Variants in SEMA5B observed in about 807,000 individuals in gnomAD.
SEMA5B encodes semaphorin 5B, also known as semaphorin-5B.
A neutral mutation model predicts 135.0 loss-of-function variants in SEMA5B; 66 were observed. That is an observed-to-expected ratio of 0.49 (90% CI 0.40 to 0.60). The LOEUF is 0.60. SEMA5B is among the 20% of genes least tolerant of loss of function. The pLI, the probability that SEMA5B is intolerant of heterozygous loss-of-function variation, is 0.00. For synonymous variants in SEMA5B, 690 were observed against 639.5 expected, an observed-to-expected ratio of 1.08 and a Z score of -1.19; for missense variants, 1,501 against 1,566.3, an observed-to-expected ratio of 0.96 and a Z score of 0.70.
At chr3:123,005,164 C>G (rs1168158308) in intron 1 of SEMA5B, among the ~76,000 whole-genome samples, 6 of 152,130 alleles carry the variant, frequency 3.9e-5, no homozygotes, top group Non-Finnish European at 8.8e-5. Flanking sequence ...CACTGCTCCC[C>G]TACACACCCT....
chr3:122,920,117 G>A (rs1036662693), intron 12 of SEMA5B, among the ~76,000 whole-genome samples: 5 of 152,194 alleles, frequency 3.3e-5, no homozygotes, highest in African/African-American at 1.2e-4. Context: ...TTTTCACACA[G>A]CCCGTGACTG....
chr3:123,010,231 A>T (rs1942407193), intron 1 of SEMA5B, among the ~76,000 whole-genome samples: 1 of 152,200 alleles, frequency 6.6e-6, no homozygotes, highest in Non-Finnish European at 1.5e-5. Flanking sequence ...GCCATGTGGT[A>T]GGATGGGACA....
chr3:123,014,819 C>T (rs777563436), intron 1 of SEMA5B, among the ~76,000 whole-genome samples: 2 of 152,134 alleles, frequency 1.3e-5, no homozygotes, highest in Non-Finnish European at 2.9e-5. Context: ...TAGGATGAAC[C>T]GTGTCCCCCC....
intron 1 of SEMA5B, among the ~76,000 whole-genome samples, chr3:122,982,836 C>G (rs1431731033): frequency 1.3e-5 from 2 of 152,224 alleles, no homozygotes; most frequent in Non-Finnish European, 2.9e-5. Flanking sequence ...TGATGTCCCT[C>G]GGGCCTAGGG....
intron 1 of SEMA5B, among the ~76,000 whole-genome samples, chr3:123,019,834 G>A (rs1164623185): frequency 6.6e-6 from 1 of 152,146 alleles, no homozygotes; most frequent in African/African-American, 2.4e-5. Flanking sequence ...AGGGAGCCTA[G>A]GAGTTCCTAT....
At chr3:122,940,982 A>C (rs10934622) in intron 4 of SEMA5B, among the ~76,000 whole-genome samples, 7 of 152,262 alleles carry the variant, frequency 4.6e-5, no homozygotes, top group Admixed American at 3.9e-4. Context: ...CCCATCAAAA[A>C]TCATTCATCA....
At chr3:122,970,170 G>A (rs1470746059) in intron 1 of SEMA5B, among the ~76,000 whole-genome samples, 1 of 152,194 alleles carries the variant, frequency 6.6e-6, no homozygotes, top group African/African-American at 2.4e-5. Context: ...CACACAAAAC[G>A]GAATGGCAGA....
chr3:122,928,583 G>A lies in SEMA5B; in HGVS notation c.570C>T (p.Ile190=), dbSNP rs34231441. The A allele has an allele frequency of 1.9e-3, 2,984 of 1,562,268 alleles. 7 individuals carry two copies. Among genetic ancestry groups the A allele is most frequent in the Middle Eastern group, 2.3e-3 (13 of 5,692 alleles). ...ACATGAACACCTTCCGGCCGGCGAC[G>A]ATCAGGACTCGCACGTAGTTCTGAC... ...EECQNYVRVL[I]VAGRKVFMCG... is the part of the protein sequence containing the mutation. Residue 190 remains isoleucine (I), a synonymous_variant, in exon 7 of 23, where the codon ATC becomes ATT. Transcript: ENST00000357599.
chr3:122,952,860 C>G (rs978762318), intron 2 of SEMA5B, among the ~76,000 whole-genome samples: 1 of 152,158 alleles, frequency 6.6e-6, no homozygotes, highest in Admixed American at 6.5e-5. Context: ...GACCAGAGCT[C>G]GTCTGCTTCC....
Position 122,997,524 on chromosome 3 carries a change from C to T in SEMA5B, c.-39+29940G>A, listed in dbSNP as rs114808439. On this transcript the variant is annotated intron_variant, in intron 1 of 22. Coordinates refer to ENST00000357599, the MANE Select transcript of SEMA5B (RefSeq NM_001031702.4). Reference sequence around the variant, plus strand: ...TGGCTGGTCCCCAGGCCTCTCCCCCCCCCGTCTCCACCAGGGCATGTTGGT... The same window carrying T: ...TGGCTGGTCCCCAGGCCTCTCCCCCTCCCGTCTCCACCAGGGCATGTTGGT... Among the ~76,000 whole-genome samples the T allele has an allele frequency of 4.0e-4, 61 of 151,480 alleles. 1 individual carries two copies. The South Asian group carries it at 7.1e-3, about 18-fold the overall frequency.
chr3:122,940,209 T>C (rs1378268696), intron 4 of SEMA5B, among the ~76,000 whole-genome samples: 1 of 152,228 alleles, frequency 6.6e-6, no homozygotes, highest in African/African-American at 2.4e-5. Context: ...GTAATAATGA[T>C]ATCAGACACT....
At chr3:123,017,145 C>T (rs573571894) in intron 1 of SEMA5B, among the ~76,000 whole-genome samples, 53 of 152,150 alleles carry the variant, frequency 3.5e-4, no homozygotes, top group Non-Finnish European at 3.5e-4. Context: ...GCCTCAGCCT[C>T]CCAAAGTGCT....
chr3:122,926,655 A>G lies in SEMA5B; in HGVS notation c.873T>C (p.Tyr291=). The G allele has an allele frequency of 1.2e-6, 2 of 1,611,390 alleles. No individual in the cohort carries two copies. The highest frequency in any genetic ancestry group is 1.7e-6 in the Non-Finnish European group (2 of 1,177,576). Residue 291 remains tyrosine, a synonymous_variant, in exon 9 of 23, where the codon TAT becomes TAC. Transcript: ENST00000357599. ...WLNEPNFVAA[Y]DIGLFAYFFL... The stretch of plus-strand genomic sequence containing the variant: ...AGAAGTATGCAAACAGCCCAATATC[A>G]TAGGCTGCCACGAAGTTTGGCTCTG...
intron 14 of SEMA5B, among the ~76,000 whole-genome samples, chr3:122,914,221 T>A (rs895707018): frequency 4.6e-5 from 7 of 152,214 alleles, no homozygotes; most frequent in Non-Finnish European, 1.0e-4. Flanking sequence ...CTTCTATATA[T>A]CATGCTGTGC....
intron 14 of SEMA5B, among the ~76,000 whole-genome samples, chr3:122,915,015 C>T (rs1409165395): frequency 6.6e-6 from 1 of 152,206 alleles, no homozygotes; most frequent in Admixed American, 6.5e-5. Flanking sequence ...TGGGTGGGTA[C>T]TATAACCCTC....
chr3:122,956,565 G>C (rs764978894), intron 2 of SEMA5B, among the ~76,000 whole-genome samples: 19 of 152,318 alleles, frequency 1.2e-4, no homozygotes, highest in Middle Eastern at 6.8e-3. Context: ...GCTCAGGGGC[G>C]AAGGATGACG....
At chr3:123,014,357 C>A (rs1168263130) in intron 1 of SEMA5B, among the ~76,000 whole-genome samples, 1 of 152,244 alleles carries the variant, frequency 6.6e-6, no homozygotes, top group East Asian at 1.9e-4. Flanking sequence ...AGGCAAAGCG[C>A]ATCTCCTCCA....
chr3:122,943,387 A>G (rs1939647749), intron 4 of SEMA5B, 49 bp downstream of exon 4: 3 of 1,318,324 alleles, frequency 2.3e-6, no homozygotes, highest in Non-Finnish European at 3.2e-6. Context: ...CCCTCTACCC[A>G]GCTCCAAGCC....
chr3:122,997,456 C>CT (rs1388045089), intron 1 of SEMA5B, among the ~76,000 whole-genome samples: 1 of 152,076 alleles, frequency 6.6e-6, no homozygotes, highest in Admixed American at 6.5e-5. Flanking sequence ...GGACCTTACC[C>CT]CATCCCCTGG....
Sources: allele counts gnomAD v4.1 joint callset (sites outside exome capture counted in the v4.1 genomes callset), GRCh38; gene constraint gnomAD v4.1.1; transcripts MANE v1.5; gene names NCBI Gene and HGNC (gene_info 2026-07-23, HGNC 2026-07-21).